The following SMG6 variants were observed in gnomAD, a reference collection of about 807,000 sequenced individuals.
The protein encoded by SMG6 is telomerase-binding protein EST1A.
In SMG6, 66 loss-of-function variants were observed where a neutral mutation model predicts 142.2. The ratio of observed to expected loss-of-function variants is 0.46; its 90% confidence interval spans 0.38 to 0.57. The LOEUF (loss-of-function observed/expected upper bound fraction) is 0.57. SMG6 is among the 20% of genes least tolerant of loss of function. SMG6 has a pLI of 0.00. For missense variants in SMG6, 1,793 were observed against 1,832.0 expected (o/e 0.98, Z 0.39); for synonymous variants, 779 against 702.4 (o/e 1.11, Z -1.72).
At chr17:2,073,708 CAAAAAAAAAAA>C (rs1309950009) in intron 15 of SMG6, among the ~76,000 whole-genome samples, 2 of 70,274 alleles carry the variant, frequency 2.8e-5, no homozygotes, top group Non-Finnish European at 5.1e-5. Flanking sequence ...GACTCCGTCT[CAAAAAAAAAAA>C]AAAAAAAAAA....
chr17:2,281,775 G>T (rs372647973), intron 8 of SMG6, among the ~76,000 whole-genome samples: 5 of 152,106 alleles, frequency 3.3e-5, no homozygotes, highest in African/African-American at 1.2e-4. Flanking sequence ...CACCCACTGG[G>T]TGAATTTTAC....
rs1490664399 is a variant in SMG6 at position 2,165,256 on chromosome 17, T to C, written c.3357+7402A>G. 2.0e-5 allele frequency among the ~76,000 whole-genome samples: 3 copies of C among 150,972 alleles called. No individual in the cohort carries two copies. In the South Asian group the frequency reaches 6.3e-4, roughly 32 times the overall value. ...TAGCTCCAAGAAGGTGACAGGACAC[T>C]GCAGTATCATTTATATGAAAGAGAC... On this transcript the variant is annotated intron_variant, in intron 13 of 18. Transcript: ENST00000263073.
At chr17:2,195,165 C>T (rs571022329) in intron 10 of SMG6, among the ~76,000 whole-genome samples, 49 of 152,258 alleles carry the variant, frequency 3.2e-4, no homozygotes, top group Middle Eastern at 3.4e-3. Flanking sequence ...TCCTCTCTGA[C>T]GTAATCAGGA....
At chr17:2,286,713 A>G (rs2151385188) in intron 6 of SMG6, among the ~76,000 whole-genome samples, 1 of 152,264 alleles carries the variant, frequency 6.6e-6, no homozygotes, top group East Asian at 1.9e-4. Flanking sequence ...CATAGCTATG[A>G]CATCGAAAGT....
chr17:2,196,319 G>A (rs1407141483), intron 10 of SMG6, among the ~76,000 whole-genome samples: 2 of 152,196 alleles, frequency 1.3e-5, no homozygotes, highest in Non-Finnish European at 2.9e-5. Context: ...CTACTCGGGA[G>A]GCTGAGGCAG....
intron 13 of SMG6, 26 bp downstream of exon 13, chr17:2,172,632 G>A (rs746494623): frequency 1.2e-6 from 2 of 1,610,440 alleles, no homozygotes; most frequent in South Asian, 2.2e-5. Flanking sequence ...GGGCGAATGG[G>A]GAGGGATGTT....
chr17:2,300,398 C>A lies in SMG6; in HGVS notation c.355G>T (p.Glu119Ter). ...TGTCCAGCAGTCCTAGGAAAGGATT[C>A]TTGTCCCCGATTATTTTCTGGGTCT... ...PIDPENNRGQ[E>*]SFPRTAGQED... Residue 119 changes from glutamate (E) to a stop codon, truncating the protein, a stop_gained, in exon 2 of 19, where the codon GAA becomes TAA. Coordinates refer to ENST00000263073, the MANE Select transcript of SMG6 (RefSeq NM_017575.5). LOFTEE classifies it high-confidence loss of function. 6.2e-7 allele frequency: 1 copy of A among 1,614,144 alleles called. No individual in the cohort carries two copies. The highest frequency in any genetic ancestry group is 8.5e-7 in the Non-Finnish European group (1 of 1,180,036).
Position 2,065,083 on chromosome 17 carries a change from G to C in SMG6, c.4119C>G (p.Pro1373=), listed in dbSNP as rs759053772. 2 of 1,613,532 alleles carry C rather than the reference G, an allele frequency of 1.2e-6. No individual in the cohort carries two copies. Among genetic ancestry groups the C allele is most frequent in the Non-Finnish European group, 1.7e-6 (2 of 1,179,544 alleles). The part of the protein sequence containing the change: ...YCKDKAKDFM[P]ASKEEPIRLL... The stretch of plus-strand genomic sequence containing the variant: ...GAGGCAAAGCTGTACCTTTGCTGGC[G>C]GGCATGAAGTCCTTAGCCTTGTCTT... Residue 1373 remains proline, a synonymous_variant, in exon 18 of 19, where the codon CCC becomes CCG. Coordinates refer to ENST00000263073, the MANE Select transcript of SMG6 (RefSeq NM_017575.5).
chr17:2,204,190 T>G (rs548842858), intron 10 of SMG6, among the ~76,000 whole-genome samples: 1 of 152,124 alleles, frequency 6.6e-6, no homozygotes, highest in Admixed American at 6.6e-5. Flanking sequence ...AATTCCGAGA[T>G]AGGTGAGACA....
chr17:2,144,371 A>C (rs1269992965), intron 13 of SMG6, among the ~76,000 whole-genome samples: 1 of 151,734 alleles, frequency 6.6e-6, no homozygotes, highest in Non-Finnish European at 1.5e-5. Context: ...CTGGCCATTA[A>C]TTTTTAAATC....
intron 12 of SMG6, among the ~76,000 whole-genome samples, chr17:2,184,858 G>A (rs921585303): frequency 2.7e-5 from 4 of 149,248 alleles, no homozygotes; most frequent in Admixed American, 1.3e-4. Context: ...CCAGCTACTC[G>A]GGAGGCTGAG....
At chr17:2,145,112 ATATTTT>A (rs1054643856) in intron 13 of SMG6, among the ~76,000 whole-genome samples, 1 of 151,938 alleles carries the variant, frequency 6.6e-6, no homozygotes, top group African/African-American at 2.4e-5. Context: ...TTATTTATTT[ATATTTT>A]TATTTTTTTG....
At chr17:2,279,014 T>C (rs970643870) in intron 8 of SMG6, among the ~76,000 whole-genome samples, 5 of 152,184 alleles carry the variant, frequency 3.3e-5, no homozygotes, top group African/African-American at 1.2e-4. Context: ...GATATGACTC[T>C]ACTCTCACAG....
intron 6 of SMG6, among the ~76,000 whole-genome samples, chr17:2,291,729 G>A (rs1202750228): frequency 5.3e-5 from 5 of 94,682 alleles, no homozygotes; most frequent in African/African-American, 1.5e-4. Flanking sequence ...CTTGTCATCC[G>A]GGTGCAGCAG....
At chr17:2,116,934 G>A (rs918132983) in intron 13 of SMG6, among the ~76,000 whole-genome samples, 4 of 151,898 alleles carry the variant, frequency 2.6e-5, no homozygotes, top group South Asian at 4.2e-4. Flanking sequence ...CCCCAGAAGA[G>A]GGTATTCAAA....
chr17:2,198,124 C>G (rs376641510), intron 10 of SMG6, among the ~76,000 whole-genome samples: 15 of 152,104 alleles, frequency 9.9e-5, no homozygotes, highest in Non-Finnish European at 1.9e-4. Context: ...GTGGAATATC[C>G]GTACCAGGGA....
chr17:2,182,108 T>C lies in SMG6; in HGVS notation c.3155+4555A>G, dbSNP rs566552200. On this transcript the variant is annotated intron_variant, in intron 12 of 18. Transcript: ENST00000263073. ...CACCCTGAGAGTAAGGAAGGGACAC[T>C]CAGTGACCCTTGTGCATGCTCAGAA... Among the ~76,000 whole-genome samples, 4 of 152,306 alleles carry C rather than the reference T, an allele frequency of 2.6e-5. No homozygotes were observed. In the South Asian group the frequency reaches 8.3e-4, roughly 32 times the overall value.
intron 10 of SMG6, among the ~76,000 whole-genome samples, chr17:2,235,461 A>G (rs2073623753): frequency 6.6e-6 from 1 of 152,174 alleles, no homozygotes; most frequent in Admixed American, 6.5e-5. Flanking sequence ...CCTTAAGTAC[A>G]AACGGGGAGA....
chr17:2,123,412 C>T (rs959512469), intron 13 of SMG6, among the ~76,000 whole-genome samples: 2 of 152,204 alleles, frequency 1.3e-5, no homozygotes, highest in African/African-American at 2.4e-5. Flanking sequence ...AAAGAGGCAG[C>T]TGGAAGGAAG....
Sources: allele counts gnomAD v4.1 joint callset (sites outside exome capture counted in the v4.1 genomes callset), GRCh38; gene constraint gnomAD v4.1.1; transcripts MANE v1.5; gene names NCBI Gene and HGNC (gene_info 2026-07-23, HGNC 2026-07-21).